FAM163B: variants seen among roughly 807,000 people sequenced by gnomAD.
FAM163B encodes the protein family with sequence similarity 163 member B.
Under a neutral mutation model 7.6 loss-of-function variants are expected in FAM163B, and 4 were observed. That is an observed-to-expected ratio of 0.52 (90% CI 0.26 to 1.20). The LOEUF (loss-of-function observed/expected upper bound fraction) is 1.20. Among genes scored for constraint, FAM163B ranks in the 50% most tolerant of loss-of-function variants. The probability of loss-of-function intolerance (pLI) is 0.14; values close to 1 mark genes in which losing one functional copy is unlikely to be tolerated. For missense variants in FAM163B, 250 were observed against 243.0 expected, an observed-to-expected ratio of 1.03 and a Z score of -0.19; for synonymous variants, 120 against 111.6, an observed-to-expected ratio of 1.07 and a Z score of -0.47.
rs1418426939 is a variant in FAM163B, at chr9:133,601,559, G to A, written c.-24+7518C>T. Among the ~76,000 whole-genome samples, 2 of 152,126 alleles carry A rather than the reference G, an allele frequency of 1.3e-5. No homozygotes were observed. The highest frequency in any genetic ancestry group is 4.8e-5 in the African/African-American group (2 of 41,414). On this transcript the variant is annotated intron_variant, in intron 1 of 2. Transcript: ENST00000673969. This position sits in a 1 kb window ranked among gnomAD's most constrained non-coding sequence, Gnocchi z 4.1. ...GAAACCCCCATAACTGGAGAATTTC[G>A]GGTGCCACATGGGTCAGACGCAGCT...
In FAM163B at chr9:133,609,285, A is replaced by C. The variant is rs1256197471; in HGVS notation, c.-232T>G. 6.7e-6 allele frequency among the ~76,000 whole-genome samples: 1 copy of C among 149,794 alleles called. No individual in the cohort carries two copies. Among genetic ancestry groups the C allele is most frequent in the Non-Finnish European group, 1.5e-5 (1 of 67,134 alleles). On this transcript the variant is annotated 5_prime_UTR_variant, in exon 1 of 3. Coordinates refer to ENST00000673969, the MANE Select transcript of FAM163B (RefSeq NM_001080515.3). ...GAGGCGACTGCGTGCCCAGGCGGGC[A>C]CCCCTGCCAGCTCCGCGCTGCGGCC... is the stretch of plus-strand genomic sequence containing the variant.
intron 1 of FAM163B, among the ~76,000 whole-genome samples, chr9:133,605,401 A>G (rs1254476599): frequency 1.3e-5 from 2 of 152,166 alleles, no homozygotes; most frequent in Non-Finnish European, 2.9e-5. Context: ...AATGTGGTGG[A>G]CGAGGTGGCA....
At chr9:133,603,749 G>A (rs1831757503) in intron 1 of FAM163B, among the ~76,000 whole-genome samples, 1 of 152,160 alleles carries the variant, frequency 6.6e-6, no homozygotes, top group South Asian at 2.1e-4. Context: ...TCCAGCCCAG[G>A]GTGTACATTC....
At chr9:133,586,836 G>T (rs963683860) in intron 1 of FAM163B, among the ~76,000 whole-genome samples, 1 of 152,166 alleles carries the variant, frequency 6.6e-6, no homozygotes, top group Admixed American at 6.5e-5. Flanking sequence ...GGGGTTGTAA[G>T]AACCAGCATG....
chr9:133,599,028 C>A (rs906652646), intron 1 of FAM163B, among the ~76,000 whole-genome samples: 1 of 152,178 alleles, frequency 6.6e-6, no homozygotes, highest in Non-Finnish European at 1.5e-5. Flanking sequence ...GGCCCTCCCC[C>A]CTTCCCTGTG....
At chr9:133,603,829 ATTTCT>A (rs1324618496) in intron 1 of FAM163B, among the ~76,000 whole-genome samples, 1 of 151,948 alleles carries the variant, frequency 6.6e-6, no homozygotes, top group Non-Finnish European at 1.5e-5. Flanking sequence ...TTGCATTGCT[ATTTCT>A]TTTCTTTTCT....
At chr9:133,588,282 G>T (rs1831471773) in intron 1 of FAM163B, among the ~76,000 whole-genome samples, 1 of 152,196 alleles carries the variant, frequency 6.6e-6, no homozygotes, top group Non-Finnish European at 1.5e-5. Context: ...AGTGCCATGG[G>T]GGTCTCAGAT....
chr9:133,600,272 T>A lies in FAM163B; in HGVS notation c.-24+8805A>T, dbSNP rs1377870690. On this transcript the variant is annotated intron_variant, in intron 1 of 2. Coordinates refer to ENST00000673969, the MANE Select transcript of FAM163B (RefSeq NM_001080515.3). The surrounding 1 kb of genome is among the most constrained non-coding windows in gnomAD (Gnocchi z 4.9). ...TGTGAGTGTGGTCTGTGTGTGTGTG[T>A]GTGTGTGTGTGTGTGTGTGTGTGTA... Among the ~76,000 whole-genome samples the A allele has an allele frequency of 0.024, 3,580 of 149,758 alleles. 97 individuals carry two copies. The highest frequency in any genetic ancestry group is 0.055 in the African/African-American group (2,237 of 40,540).
chr9:133,608,131 G>T (rs1478363001), intron 1 of FAM163B, among the ~76,000 whole-genome samples: 1 of 152,204 alleles, frequency 6.6e-6, no homozygotes, highest in Non-Finnish European at 1.5e-5. Context: ...AGGGTGGCCC[G>T]CTGGCTCTCC....
intron 1 of FAM163B, among the ~76,000 whole-genome samples, chr9:133,587,697 C>T (rs1435673797): frequency 6.6e-6 from 1 of 152,100 alleles, no homozygotes; most frequent in Non-Finnish European, 1.5e-5. Context: ...CTCCCTGGGC[C>T]TCCTGGAGAT....
At position 133,577,406 on chromosome 9, in the gene FAM163B, C is replaced by T. The variant is rs1831267712; in HGVS notation, c.*1616G>A. 6.6e-6 allele frequency among the ~76,000 whole-genome samples: 1 copy of T among 152,124 alleles called. No homozygotes were observed. Among genetic ancestry groups the T allele is most frequent in the Non-Finnish European group, 1.5e-5 (1 of 68,030 alleles). ...GGACCTCAAGGGCGAATGCCACTGGCCTGTCCAAACGAGGCAGGAGAGAAA... is the reference window on the plus strand; with the variant it reads ...GGACCTCAAGGGCGAATGCCACTGGTCTGTCCAAACGAGGCAGGAGAGAAA... On this transcript the variant is annotated 3_prime_UTR_variant, in exon 3 of 3. Coordinates refer to ENST00000673969, the MANE Select transcript of FAM163B (RefSeq NM_001080515.3).
intron 1 of FAM163B, among the ~76,000 whole-genome samples, chr9:133,592,778 G>C (rs922172084): frequency 2.6e-5 from 4 of 152,116 alleles, no homozygotes; most frequent in African/African-American, 2.4e-5. Flanking sequence ...AGGCCGGCGG[G>C]GGGGTCAGAA....
intron 2 of FAM163B, among the ~76,000 whole-genome samples, chr9:133,579,852 T>C (rs1418483076): frequency 1.3e-5 from 2 of 152,180 alleles, no homozygotes; most frequent in Non-Finnish European, 2.9e-5. Context: ...TGGGAAGGAT[T>C]GCTCACTGTG....
In FAM163B at chr9:133,600,036, G is replaced by C. The variant is rs896692460; in HGVS notation, c.-24+9041C>G. Reference sequence around the variant, plus strand: ...TGTGCATTTGTGTGCATGTATGTGTGGTCTGTGTGGATGTGTGTGAGTTTG... The same window carrying C: ...TGTGCATTTGTGTGCATGTATGTGTCGTCTGTGTGGATGTGTGTGAGTTTG... On this transcript the variant is annotated intron_variant, in intron 1 of 2. Transcript: ENST00000673969. The surrounding 1 kb of genome is among the most constrained non-coding windows in gnomAD (Gnocchi z 4.9). 1.4e-5 allele frequency among the ~76,000 whole-genome samples: 2 copies of C among 147,216 alleles called. No individual in the cohort carries two copies. The highest frequency in any genetic ancestry group is 5.1e-5 in the African/African-American group (2 of 39,456).
chr9:133,593,717 A>G (rs1831589197), intron 1 of FAM163B, among the ~76,000 whole-genome samples: 1 of 152,234 alleles, frequency 6.6e-6, no homozygotes, highest in South Asian at 2.1e-4. Context: ...CTGTGTGCCA[A>G]GCACAGCCCG....
Position 133,606,504 on chromosome 9 carries a change from C to T in FAM163B, c.-24+2573G>A, listed in dbSNP as rs1564199177. The stretch of plus-strand genomic sequence containing the variant: ...CCCCAGGACCACATGCTCTTGGCAT[C>T]CAAAAGCCTTTTGGCCAGGCTCACG... On this transcript the variant is annotated intron_variant, in intron 1 of 2. Coordinates refer to ENST00000673969, the MANE Select transcript of FAM163B (RefSeq NM_001080515.3). This position sits in a 1 kb window ranked among gnomAD's most constrained non-coding sequence, Gnocchi z 4.0. Among the ~76,000 whole-genome samples the T allele has an allele frequency of 6.6e-6, 1 of 152,230 alleles. No individual in the cohort carries two copies. Among genetic ancestry groups the T allele is most frequent in the Non-Finnish European group, 1.5e-5 (1 of 68,044 alleles).
intron 1 of FAM163B, among the ~76,000 whole-genome samples, chr9:133,592,531 A>G (rs1831569531): frequency 6.6e-6 from 1 of 152,156 alleles, no homozygotes; most frequent in African/African-American, 2.4e-5. Flanking sequence ...TGAGGGGCTC[A>G]CACAAGAAGG....
chr9:133,600,724 TAAAAATC>T lies in FAM163B; in HGVS notation c.-24+8346_-24+8352del, dbSNP rs1831718354. ...ATCTTAAAGCCACATTTTAGAGTCT[TAAAAATC>T]AGAACATGCAACCAGTGGCTGCTCA... On this transcript the variant is annotated intron_variant, in intron 1 of 2. Transcript: ENST00000673969. The surrounding 1 kb of genome is among the most constrained non-coding windows in gnomAD (Gnocchi z 4.9). Among the ~76,000 whole-genome samples, 1 of 62,724 alleles carries T rather than the reference TAAAAATC, an allele frequency of 1.6e-5. No individual in the cohort carries two copies. Among genetic ancestry groups the T allele is most frequent in the African/African-American group, 1.3e-4 (1 of 7,910 alleles). The allele number at this position is 62,724 out of a possible 152,430, so 41.1% of individuals were successfully genotyped here. A position where few individuals can be genotyped will look rare whatever the true frequency, so the allele number is the denominator to read the frequency against.
intron 1 of FAM163B, among the ~76,000 whole-genome samples, chr9:133,605,887 C>T (rs986474305): frequency 6.6e-6 from 1 of 152,180 alleles, no homozygotes; most frequent in African/African-American, 2.4e-5. Context: ...AGGCCTCCAT[C>T]ATTTCCCTTC....
Sources: allele counts gnomAD v4.1 joint callset (sites outside exome capture counted in the v4.1 genomes callset), GRCh38; gene constraint gnomAD v4.1.1; non-coding constraint Gnocchi (gnomAD v3.1); transcripts MANE v1.5; gene names NCBI Gene and HGNC (gene_info 2026-07-23, HGNC 2026-07-21).